The following RAP1GDS1 variants were observed in gnomAD, a reference collection of about 807,000 sequenced individuals.
RAP1GDS1 encodes Rap1 GTPase-GDP dissociation stimulator 1.
In RAP1GDS1, 35 loss-of-function variants were observed where a neutral mutation model predicts 71.1. The ratio of observed to expected loss-of-function variants is 0.49; its 90% CI spans 0.38 to 0.65. The LOEUF (loss-of-function observed/expected upper bound fraction) is 0.65, where lower values mean the gene tolerates loss of function less well. RAP1GDS1 is among the 30% of genes least tolerant of loss of function. The probability of loss-of-function intolerance (pLI) is 0.00; values close to 1 mark genes in which losing one functional copy is unlikely to be tolerated. For synonymous variants in RAP1GDS1, 229 were observed against 243.1 expected, an observed-to-expected ratio of 0.94 and a Z score of 0.54; for missense variants, 663 against 706.1, an observed-to-expected ratio of 0.94 and a Z score of 0.69.
At chr4:98,383,135 A>G (rs938579092) in intron 5 of RAP1GDS1, among the ~76,000 whole-genome samples, 1 of 151,684 alleles carries the variant, frequency 6.6e-6, no homozygotes, top group African/African-American at 2.4e-5. Context: ...TAATCAATAA[A>G]TATCTCATGG....
chr4:98,405,037 A>G (rs1437027447), intron 7 of RAP1GDS1, among the ~76,000 whole-genome samples: 1 of 152,170 alleles, frequency 6.6e-6, no homozygotes. Context: ...GAAACAAACT[A>G]TTCCATATTA....
At chr4:98,366,671 T>A (rs912217413) in intron 4 of RAP1GDS1, among the ~76,000 whole-genome samples, 2 of 152,088 alleles carry the variant, frequency 1.3e-5, no homozygotes, top group African/African-American at 2.4e-5. Flanking sequence ...TGGTCTCAGA[T>A]AGAAATGAAA....
chr4:98,390,907 G>A (rs969368893), intron 5 of RAP1GDS1, among the ~76,000 whole-genome samples: 4 of 151,820 alleles, frequency 2.6e-5, no homozygotes, highest in African/African-American at 9.7e-5. Context: ...AAAAAAATTT[G>A]TTTAGTCTTT....
intron 6 of RAP1GDS1, among the ~76,000 whole-genome samples, chr4:98,393,774 CTATATA>C (rs1250892641): frequency 6.6e-6 from 1 of 152,102 alleles, no homozygotes; most frequent in South Asian, 2.1e-4. Context: ...ATTTCAAACA[CTATATA>C]TGAAAAATAT....
chr4:98,278,037 G>T (rs745577850), intron 1 of RAP1GDS1, among the ~76,000 whole-genome samples: 51 of 152,130 alleles, frequency 3.4e-4, no homozygotes, highest in Non-Finnish European at 1.6e-4. Context: ...GACCAGAGTG[G>T]CCAACACGGC....
intron 1 of RAP1GDS1, among the ~76,000 whole-genome samples, chr4:98,289,279 G>T (rs530292218): frequency 6.6e-6 from 1 of 152,094 alleles, no homozygotes; most frequent in Non-Finnish European, 1.5e-5. Context: ...GAAAAGGAAG[G>T]TTCCTCTGAC....
intron 2 of RAP1GDS1, among the ~76,000 whole-genome samples, chr4:98,309,859 A>G (rs934684808): frequency 2.0e-5 from 3 of 151,594 alleles, no homozygotes; most frequent in Non-Finnish European, 2.9e-5. Flanking sequence ...GGGTTCAGGT[A>G]TAATTTTCTA....
chr4:98,416,712 A>G (rs574881601), intron 7 of RAP1GDS1, 33 bp from the exon 8 acceptor site: 12 of 1,553,902 alleles, frequency 7.7e-6, no homozygotes, highest in African/African-American at 6.8e-5. Flanking sequence ...TTTTATCTCA[A>G]AGTTTGATTA....
At chr4:98,356,785 T>C (rs762787217) in intron 4 of RAP1GDS1, among the ~76,000 whole-genome samples, 1 of 151,980 alleles carries the variant, frequency 6.6e-6, no homozygotes, top group Non-Finnish European at 1.5e-5. Context: ...GATGAGTAAA[T>C]ATTAAAATGA....
At chr4:98,346,605 TGC>T (rs1318110059) in intron 3 of RAP1GDS1, among the ~76,000 whole-genome samples, 1 of 151,736 alleles carries the variant, frequency 6.6e-6, no homozygotes. Flanking sequence ...AGTGCAATGG[TGC>T]GATCTCAGCT....
rs6846884 is a variant in RAP1GDS1 at position 98,299,630 on chromosome 4, T to A, written c.112+6115T>A. ...GAGAAAAGAAAGTGGTTTTTTTTTT[T>A]ATTTGCTTTGGTTTTTTTTTTTGAG... On this transcript the variant is annotated intron_variant, in intron 2 of 14. Transcript: ENST00000408927. Among the ~76,000 whole-genome samples the A allele has an allele frequency of 1.2e-3, 189 of 151,606 alleles. 2 individuals carry two copies. The highest frequency in any genetic ancestry group is 4.4e-3 in the African/African-American group (183 of 41,284).
Position 98,392,035 on chromosome 4 carries a change from C to G in RAP1GDS1, c.592C>G (p.Leu198Val). 1.2e-6 allele frequency: 2 copies of G among 1,612,850 alleles called. No individual in the cohort carries two copies. Among genetic ancestry groups the G allele is most frequent in the Non-Finnish European group, 1.7e-6 (2 of 1,179,294 alleles). ...GGGCATCCACTGCCAAAATGCAGCTCTTACAGAAATGTGTCTTGTTGCATT... is the reference window on the plus strand; with the variant it reads ...GGGCATCCACTGCCAAAATGCAGCTGTTACAGAAATGTGTCTTGTTGCATT... ...LLGIHCQNAALTEMCLVAFGN... is the reference protein window; with the variant it reads ...LLGIHCQNAAVTEMCLVAFGN... Residue 198 changes from leucine (L) to valine (V), a missense_variant, in exon 6 of 15, where the codon CTT becomes GTT. Coordinates refer to ENST00000408927, the MANE Select transcript of RAP1GDS1 (RefSeq NM_001100427.2).
intron 4 of RAP1GDS1, among the ~76,000 whole-genome samples, chr4:98,352,894 A>G (rs891309397): frequency 6.6e-6 from 1 of 152,222 alleles, no homozygotes; most frequent in East Asian, 1.9e-4. Flanking sequence ...ACATATGTGC[A>G]TCTTCTCAAT....
chr4:98,359,451 G>A (rs2110437812), intron 4 of RAP1GDS1, among the ~76,000 whole-genome samples: 1 of 152,222 alleles, frequency 6.6e-6, no homozygotes, highest in Non-Finnish European at 1.5e-5. Flanking sequence ...GTATTTCTGG[G>A]TATAGTTCTG....
At chr4:98,395,852 G>A (rs1744457121) in intron 6 of RAP1GDS1, 1 of 152,156 alleles carries the variant, frequency 6.6e-6, no homozygotes, top group Non-Finnish European at 1.5e-5. Context: ...AAATGGGAGT[G>A]TATGAATCCA....
At chr4:98,361,707 T>C (rs944860666) in intron 4 of RAP1GDS1, among the ~76,000 whole-genome samples, 1 of 152,158 alleles carries the variant, frequency 6.6e-6, no homozygotes, top group African/African-American at 2.4e-5. Flanking sequence ...CCCTTGGTAC[T>C]AGTGCTTTGG....
At chr4:98,310,584 A>G (rs148725253) in intron 2 of RAP1GDS1, among the ~76,000 whole-genome samples, 100 of 152,322 alleles carry the variant, frequency 6.6e-4, no homozygotes, top group African/African-American at 2.2e-3. Context: ...AGAAGACACC[A>G]GAAGTACTGC....
At chr4:98,354,748 A>T (rs1178102702) in intron 4 of RAP1GDS1, among the ~76,000 whole-genome samples, 1 of 152,130 alleles carries the variant, frequency 6.6e-6, no homozygotes, top group Non-Finnish European at 1.5e-5. Context: ...TTTATAACCA[A>T]CTTATCCTCA....
At chr4:98,379,324 T>G (rs1219675501) in intron 5 of RAP1GDS1, 161 bp downstream of exon 5, 8 of 829,294 alleles carry the variant, frequency 9.6e-6, no homozygotes, top group Non-Finnish European at 1.2e-5. Flanking sequence ...GTTTCAAAAA[T>G]GTAAAATGGT....
Sources: gnomAD v4.1 joint callset for allele counts (sites outside exome capture counted in the v4.1 genomes callset) on GRCh38, gnomAD v4.1.1 for gene constraint, MANE v1.5 for transcripts, NCBI Gene and HGNC (gene_info 2026-07-23, HGNC 2026-07-21) for gene names.